The following RTN1 variants were observed in gnomAD, a reference collection of about 807,000 sequenced individuals.
RTN1 encodes the protein reticulon-1.
RTN1 carries 25 observed loss-of-function variants against 65.5 expected under a neutral mutation model. The ratio of observed to expected loss-of-function variants is 0.38; its 90% CI spans 0.28 to 0.53. RTN1 has a LOEUF of 0.53. Among genes scored for constraint, RTN1 ranks in the 20% least tolerant of loss-of-function variants. The pLI is 0.79. For synonymous variants in RTN1, 471 were observed against 447.6 expected, an observed-to-expected ratio of 1.05 and a Z score of -0.66; for missense variants, 983 against 1,025.4, an observed-to-expected ratio of 0.96 and a Z score of 0.57.
At chr14:59,662,088 C>T (rs1334744210) in intron 3 of RTN1, among the ~76,000 whole-genome samples, 3 of 151,952 alleles carry the variant, frequency 2.0e-5, no homozygotes, top group African/African-American at 7.2e-5. Flanking sequence ...AATCAATGTG[C>T]AAAAATCACA....
chr14:59,839,354 CAGCTA>C (rs1887269578), intron 1 of RTN1, among the ~76,000 whole-genome samples: 1 of 152,160 alleles, frequency 6.6e-6, no homozygotes, highest in African/African-American at 2.4e-5. Flanking sequence ...TCTTTAGCTT[CAGCTA>C]ATACAATACA....
chr14:59,663,964 T>G (rs1325076557), intron 3 of RTN1, among the ~76,000 whole-genome samples: 4 of 152,194 alleles, frequency 2.6e-5, no homozygotes, highest in Non-Finnish European at 5.9e-5. Context: ...ATCTCATTAC[T>G]GAGTATATAC....
intron 3 of RTN1, among the ~76,000 whole-genome samples, chr14:59,608,238 G>T (rs973547864): frequency 6.6e-6 from 1 of 152,198 alleles, no homozygotes; most frequent in Non-Finnish European, 1.5e-5. Context: ...GGTTTTTATA[G>T]AATTCTATGC....
At chr14:59,639,425 G>T (rs1016908057) in intron 3 of RTN1, among the ~76,000 whole-genome samples, 4 of 152,160 alleles carry the variant, frequency 2.6e-5, no homozygotes, top group Non-Finnish European at 5.9e-5. Flanking sequence ...AAAAAAAGCA[G>T]TATCTGCAAA....
At chr14:59,832,869 C>T (rs1887149761) in intron 1 of RTN1, among the ~76,000 whole-genome samples, 1 of 152,150 alleles carries the variant, frequency 6.6e-6, no homozygotes, top group East Asian at 1.9e-4. Context: ...GTCATGGAAA[C>T]TCCCTCCTCT....
intron 3 of RTN1, among the ~76,000 whole-genome samples, chr14:59,707,360 G>A (rs897015152): frequency 2.0e-5 from 3 of 152,092 alleles, no homozygotes; most frequent in Admixed American, 1.3e-4. Context: ...TTTGACCATC[G>A]TATTTAAAAT....
chr14:59,856,614 C>T (rs1488019032), intron 1 of RTN1, among the ~76,000 whole-genome samples: 1 of 152,170 alleles, frequency 6.6e-6, no homozygotes, highest in African/African-American at 2.4e-5. Flanking sequence ...TCCTACTGCC[C>T]TCCTCCAAAA....
At chr14:59,707,429 T>C (rs1417652926) in intron 3 of RTN1, among the ~76,000 whole-genome samples, 2 of 152,240 alleles carry the variant, frequency 1.3e-5, no homozygotes, top group African/African-American at 4.8e-5. Context: ...CCTGATACTA[T>C]ATGATGTGTG....
chr14:59,826,712 A>C (rs1887037519), intron 1 of RTN1, among the ~76,000 whole-genome samples: 1 of 152,248 alleles, frequency 6.6e-6, no homozygotes, highest in South Asian at 2.1e-4. Context: ...CAGGCAGCAC[A>C]CAGGTTTTCA....
rs910075232 is a variant in RTN1, at chr14:59,816,585, A to C, written c.241+53805T>G. On this transcript the variant is annotated intron_variant, in intron 1 of 8. Transcript: ENST00000267484. This position sits in a 1 kb window ranked among gnomAD's most constrained non-coding sequence, Gnocchi z 4.3. ...GAAATCAGGCTGTGATCAACATCCAAGATAAAATTAAGATGGGGTTCAGGG... is the reference window on the plus strand; with the variant it reads ...GAAATCAGGCTGTGATCAACATCCACGATAAAATTAAGATGGGGTTCAGGG... Among the ~76,000 whole-genome samples, 4 of 152,204 alleles carry C rather than the reference A, an allele frequency of 2.6e-5. No individual in the cohort carries two copies. Among genetic ancestry groups the C allele is most frequent in the African/African-American group, 9.6e-5 (4 of 41,470 alleles).
chr14:59,777,437 T>C (rs1256570201), intron 1 of RTN1, among the ~76,000 whole-genome samples: 1 of 152,192 alleles, frequency 6.6e-6, no homozygotes, highest in East Asian at 1.9e-4. Flanking sequence ...CATACCATTT[T>C]AGCAGTGTAT....
At chr14:59,750,234 A>C (rs1237561532) in intron 1 of RTN1, among the ~76,000 whole-genome samples, 4 of 67,824 alleles carry the variant, frequency 5.9e-5, no homozygotes, top group Non-Finnish European at 9.9e-5. Context: ...TCTATAATAT[A>C]TATATTATAT....
intron 1 of RTN1, among the ~76,000 whole-genome samples, chr14:59,762,589 G>C (rs796601306): frequency 3.3e-5 from 5 of 152,290 alleles, no homozygotes; most frequent in African/African-American, 1.2e-4. Flanking sequence ...ATGATTAAAG[G>C]AGACTTAACG....
chr14:59,623,922 T>G (rs187408432), intron 3 of RTN1, among the ~76,000 whole-genome samples: 12 of 152,348 alleles, frequency 7.9e-5, no homozygotes, highest in Non-Finnish European at 1.5e-4. Context: ...AATTTGAAAT[T>G]TGCCAATCTG....
rs886508820 is a variant in RTN1 at position 59,799,984 on chromosome 14, C to T, written c.242-53503G>A. Among the ~76,000 whole-genome samples the T allele has an allele frequency of 1.2e-4, 18 of 152,244 alleles. 1 individual carries two copies. Among genetic ancestry groups the T allele is most frequent in the Admixed American group, 8.5e-4 (13 of 15,290 alleles). On this transcript the variant is annotated intron_variant, in intron 1 of 8. Transcript: ENST00000267484. Reference sequence around the variant, plus strand: ...TAGATGGGGAGAATTCCTATCTCCACCCCCATAAGCCTGGCAAAAAGTAAT... The same window carrying T: ...TAGATGGGGAGAATTCCTATCTCCATCCCCATAAGCCTGGCAAAAAGTAAT...
intron 1 of RTN1, among the ~76,000 whole-genome samples, chr14:59,768,568 G>A (rs546632434): frequency 6.6e-6 from 1 of 152,224 alleles, no homozygotes; most frequent in African/African-American, 2.4e-5. Flanking sequence ...AACGTCCTCT[G>A]CACCTTCACT....
intron 3 of RTN1, among the ~76,000 whole-genome samples, chr14:59,709,663 C>T (rs1010531620): frequency 1.3e-5 from 2 of 152,114 alleles, no homozygotes; most frequent in African/African-American, 4.8e-5. Flanking sequence ...TATGGGGGTC[C>T]AGGCAGACAA....
intron 1 of RTN1, 111 bp from the exon 2 acceptor site, chr14:59,746,592 T>C (rs1378461134): frequency 5.4e-5 from 50 of 932,196 alleles, no homozygotes; most frequent in Middle Eastern, 6.4e-4. Flanking sequence ...CCTTTCTCCT[T>C]AAGCCCTCGG....
Position 59,727,690 on chromosome 14 carries a change from G to A in RTN1, c.1016-22C>T, listed in dbSNP as rs1376699858. The A allele has an allele frequency of 1.9e-6, 3 of 1,564,040 alleles. No homozygotes were observed. The Admixed American group carries it at 5.5e-5, about 29-fold the overall frequency. ...GGTTCTGTCGTCCCACAGAGCGAAG[G>A]AGAGCCACGGAGGCACACACACGGA... On this transcript the variant is annotated intron_variant, in intron 2 of 8. Coordinates refer to ENST00000267484, the MANE Select transcript of RTN1 (RefSeq NM_021136.3). This position sits in a 1 kb window ranked among gnomAD's most constrained non-coding sequence, Gnocchi z 4.2.
Sources: allele counts gnomAD v4.1 joint callset (sites outside exome capture counted in the v4.1 genomes callset), GRCh38; gene constraint gnomAD v4.1.1; non-coding constraint Gnocchi (gnomAD v3.1); transcripts MANE v1.5; gene names NCBI Gene and HGNC (gene_info 2026-07-23, HGNC 2026-07-21).